The following FRAS1 variants were observed in gnomAD, a reference collection of about 807,000 sequenced individuals.
FRAS1 encodes Fraser extracellular matrix complex subunit 1.
Under a neutral mutation model 435.2 loss-of-function variants are expected in FRAS1, and 290 were observed. The observed-to-expected ratio is 0.67, with a 90% CI of 0.61 to 0.73. FRAS1 has a LOEUF of 0.73. FRAS1 is among the 30% of genes least tolerant of loss of function. FRAS1 has a pLI of 0.00. For missense variants in FRAS1, 4,860 were observed against 5,001.5 expected (o/e 0.97, Z 0.85); for synonymous variants, 1,800 against 1,851.0 (o/e 0.97, Z 0.71).
At chr4:78,535,540 C>T (rs1721854768) in intron 71 of FRAS1, among the ~76,000 whole-genome samples, 1 of 152,084 alleles carries the variant, frequency 6.6e-6, no homozygotes, top group South Asian at 2.1e-4. Flanking sequence ...CTCTATGTGC[C>T]CCAACCAAAA....
chr4:78,212,316 G>A (rs1015928828), intron 2 of FRAS1, among the ~76,000 whole-genome samples: 9 of 151,964 alleles, frequency 5.9e-5, no homozygotes, highest in Non-Finnish European at 7.4e-5. Flanking sequence ...TTTGTGCATC[G>A]TCTTCCCTTT....
intron 2 of FRAS1, among the ~76,000 whole-genome samples, chr4:78,127,027 A>G (rs752654870): frequency 6.6e-6 from 1 of 152,214 alleles, no homozygotes; most frequent in Non-Finnish European, 1.5e-5. Context: ...AGGCACCAGG[A>G]TAGAACTTTG....
chr4:78,485,201 A>C (rs1044767666), intron 58 of FRAS1, among the ~76,000 whole-genome samples: 2 of 152,236 alleles, frequency 1.3e-5, no homozygotes, highest in African/African-American at 2.4e-5. Context: ...TGAGGATTAA[A>C]TTAGATAAAA....
chr4:78,453,148 C>T (rs78082903), intron 47 of FRAS1, among the ~76,000 whole-genome samples: 3,284 of 150,972 alleles, frequency 0.022, 121 homozygotes, highest in African/African-American at 0.077. Context: ...GGATAAGTAA[C>T]CTCTATTTAA....
At chr4:78,221,645 C>T (rs1483440843) in intron 2 of FRAS1, among the ~76,000 whole-genome samples, 3 of 152,112 alleles carry the variant, frequency 2.0e-5, no homozygotes, top group South Asian at 4.1e-4. Flanking sequence ...TGTGGCTCAC[C>T]GTCCTCCCAT....
intron 71 of FRAS1, among the ~76,000 whole-genome samples, chr4:78,535,316 T>G (rs1032349999): frequency 6.6e-6 from 1 of 152,192 alleles, no homozygotes; most frequent in African/African-American, 2.4e-5. Context: ...TCTGAACTTC[T>G]TACACTCCTA....
At chr4:78,433,963 G>C (rs1371593221) in intron 38 of FRAS1, among the ~76,000 whole-genome samples, 2 of 152,164 alleles carry the variant, frequency 1.3e-5, no homozygotes, top group Admixed American at 1.3e-4. Flanking sequence ...AACTCCAAAA[G>C]AACTATTCTA....
chr4:78,486,058 A>G (rs1292313211), intron 58 of FRAS1, among the ~76,000 whole-genome samples: 12 of 152,314 alleles, frequency 7.9e-5, no homozygotes, highest in Non-Finnish European at 1.5e-5. Flanking sequence ...GGGCATGAGT[A>G]ATGCTGACTG....
chr4:78,151,105 G>GT (rs1720639530), intron 2 of FRAS1, among the ~76,000 whole-genome samples: 1 of 152,194 alleles, frequency 6.6e-6, no homozygotes, highest in African/African-American at 2.4e-5. Context: ...TAATGAGATA[G>GT]TTGGTTTTAT....
chr4:78,451,447 A>C (rs1719018934), intron 45 of FRAS1, among the ~76,000 whole-genome samples: 1 of 152,176 alleles, frequency 6.6e-6, no homozygotes, highest in Non-Finnish European at 1.5e-5. Flanking sequence ...GTGCACATTT[A>C]CACATGGGCA....
intron 65 of FRAS1, among the ~76,000 whole-genome samples, chr4:78,515,152 G>A (rs2029914): frequency 1.3e-5 from 2 of 151,704 alleles, no homozygotes; most frequent in African/African-American, 4.8e-5. Context: ...CCTTAATTTA[G>A]AGCCATTCAT....
intron 2 of FRAS1, among the ~76,000 whole-genome samples, chr4:78,184,920 T>C (rs900648458): frequency 6.6e-6 from 1 of 152,256 alleles, no homozygotes; most frequent in African/African-American, 2.4e-5. Context: ...CCAATGGCTC[T>C]GTCCTTCCTT....
At position 78,515,790 on chromosome 4, in the gene FRAS1, C is replaced by T; in HGVS notation, c.10175-9C>T. 6.2e-7 allele frequency: 1 copy of T among 1,612,872 alleles called. No homozygotes were observed. The highest frequency in any genetic ancestry group is 8.5e-7 in the Non-Finnish European group (1 of 1,179,346). On this transcript the variant is annotated splice_polypyrimidine_tract_variant and intron_variant, in intron 65 of 73. Coordinates refer to ENST00000512123, the MANE Select transcript of FRAS1 (RefSeq NM_025074.7). ...AAGTTATCGTTCCTTGTTCTTCCCT[C>T]CCTGGCAGAGGCAGGGTTCCTGGAT... is the stretch of plus-strand genomic sequence containing the variant.
At chr4:78,270,549 C>G (rs1209371092) in intron 9 of FRAS1, among the ~76,000 whole-genome samples, 13 of 138,352 alleles carry the variant, frequency 9.4e-5, no homozygotes, top group African/African-American at 1.6e-4. Flanking sequence ...GCCACCCCGC[C>G]CCCCCGCCAC....
chr4:78,154,711 A>T (rs1720809822), intron 2 of FRAS1, among the ~76,000 whole-genome samples: 1 of 152,236 alleles, frequency 6.6e-6, no homozygotes. Context: ...ATCCATTTTT[A>T]ATCCCTTGAG....
At chr4:78,278,031 C>T (rs1727145920) in intron 9 of FRAS1, among the ~76,000 whole-genome samples, 1 of 152,088 alleles carries the variant, frequency 6.6e-6, no homozygotes, top group Non-Finnish European at 1.5e-5. Context: ...GATCTCCTGA[C>T]CTCGTGATCC....
chr4:78,515,092 C>T (rs11722061), intron 65 of FRAS1, among the ~76,000 whole-genome samples: 20,391 of 149,982 alleles, frequency 0.14, 1,739 homozygotes, highest in Non-Finnish European at 0.2. Context: ...ATTTAACCCT[C>T]ATATTCTAAA....
chr4:78,240,872 C>G (rs1348067153), intron 3 of FRAS1, among the ~76,000 whole-genome samples: 2 of 151,976 alleles, frequency 1.3e-5, no homozygotes, highest in African/African-American at 4.8e-5. Flanking sequence ...AAGAAATGGT[C>G]AAAGAAGAGA....
chr4:78,083,064 A>G (rs1054265721), intron 2 of FRAS1, among the ~76,000 whole-genome samples: 1 of 152,170 alleles, frequency 6.6e-6, no homozygotes, highest in Non-Finnish European at 1.5e-5. Flanking sequence ...GGAAAGAATA[A>G]ATGTGGTAAT....
Sources: allele counts gnomAD v4.1 joint callset (sites outside exome capture counted in the v4.1 genomes callset), GRCh38; gene constraint gnomAD v4.1.1; transcripts MANE v1.5; gene names NCBI Gene and HGNC (gene_info 2026-07-23, HGNC 2026-07-21).